Variants in SCNN1B observed in about 807,000 individuals in gnomAD.
The protein encoded by SCNN1B is sodium channel epithelial 1 subunit beta, also known as epithelial sodium channel subunit beta.
SCNN1B carries 46 observed loss-of-function variants against 65.3 expected under a neutral mutation model. The ratio of observed to expected loss-of-function variants is 0.70; its 90% CI spans 0.56 to 0.90. SCNN1B has a LOEUF of 0.90. Ranked by LOEUF, SCNN1B falls within the 40% of genes least tolerant of loss-of-function variation. SCNN1B has a pLI of 0.00. For missense variants in SCNN1B, 751 were observed against 830.5 expected (o/e 0.90, Z 1.18); for synonymous variants, 349 against 330.6 (o/e 1.06, Z -0.60).
At chr16:23,354,163 T>G (rs576689498) in intron 3 of SCNN1B, among the ~76,000 whole-genome samples, 1 of 152,348 alleles carries the variant, frequency 6.6e-6, no homozygotes, top group African/African-American at 2.4e-5. Context: ...GGTCACACCT[T>G]CCTTAACCTC....
At chr16:23,346,945 A>T (rs1219175060) in intron 1 of SCNN1B, among the ~76,000 whole-genome samples, 1 of 152,138 alleles carries the variant, frequency 6.6e-6, no homozygotes, top group Non-Finnish European at 1.5e-5. Flanking sequence ...GAGGAAACTG[A>T]AGGACTGAGA....
chr16:23,299,324 T>A (rs1000086487), upstream of SCNN1B, among the ~76,000 whole-genome samples: 6 of 152,102 alleles, frequency 3.9e-5, no homozygotes, highest in Non-Finnish European at 1.5e-5. Context: ...CCTCCCAAAG[T>A]GCTAGGATTA....
At chr16:23,332,609 G>T (rs1234795661) in intron 1 of SCNN1B, among the ~76,000 whole-genome samples, 2 of 152,110 alleles carry the variant, frequency 1.3e-5, no homozygotes, top group Non-Finnish European at 2.9e-5. Context: ...GGAATTACAG[G>T]CATGAGCCAC....
chr16:23,365,979 C>T (rs1230452944), intron 4 of SCNN1B, among the ~76,000 whole-genome samples: 4 of 152,284 alleles, frequency 2.6e-5, no homozygotes, highest in South Asian at 2.1e-4. Flanking sequence ...TCTGAAAACA[C>T]GGGAAAATAA....
intron 1 of SCNN1B, among the ~76,000 whole-genome samples, chr16:23,282,868 C>T (rs2141967086): frequency 6.6e-6 from 1 of 152,354 alleles, no homozygotes; most frequent in East Asian, 1.9e-4. Flanking sequence ...TTTCTGGGCA[C>T]ACTGCCTATG....
At chr16:23,311,539 A>G (rs935328135) in intron 1 of SCNN1B, among the ~76,000 whole-genome samples, 1 of 152,182 alleles carries the variant, frequency 6.6e-6, no homozygotes, top group Non-Finnish European at 1.5e-5. Context: ...TGAGCTCAAG[A>G]TTTGAATCCT....
intron 7 of SCNN1B, among the ~76,000 whole-genome samples, chr16:23,374,850 G>T (rs117356744): frequency 0.012 from 1,881 of 152,072 alleles, 13 homozygotes; most frequent in Non-Finnish European, 0.019. Flanking sequence ...GTGTCCAGGA[G>T]CCCGGGGTAG....
Position 23,379,256 on chromosome 16 carries a change from A to G in SCNN1B, c.1466+489A>G, listed in dbSNP as rs141887266. 8.1e-5 allele frequency among the ~76,000 whole-genome samples: 12 copies of G among 147,312 alleles called. 1 individual carries two copies. The highest frequency in any genetic ancestry group is 2.9e-4 in the African/African-American group (11 of 37,322). On this transcript the variant is annotated intron_variant, in intron 11 of 12. Transcript: ENST00000343070. ...CCAGCCATCCTCCGTTTATTCATGG[A>G]TCTCTCCATCCATTCAACACAAACA...
intron 1 of SCNN1B, among the ~76,000 whole-genome samples, chr16:23,307,327 G>A (rs1212891613): frequency 2.0e-5 from 3 of 147,230 alleles, no homozygotes; most frequent in Non-Finnish European, 4.5e-5. Flanking sequence ...GTGGTTGTGG[G>A]GTGGTGTGGG....
intron 1 of SCNN1B, among the ~76,000 whole-genome samples, chr16:23,305,578 TATATA>T (rs1567290503): frequency 0.02 from 449 of 22,872 alleles, 20 homozygotes; most frequent in African/African-American, 0.09. Flanking sequence ...ATATATATAT[TATATA>T]TATATATATA....
intron 1 of SCNN1B, among the ~76,000 whole-genome samples, chr16:23,305,573 TATA>T (rs1567290446): frequency 9.6e-4 from 41 of 42,630 alleles, no homozygotes; most frequent in African/African-American, 2.2e-3. Context: ...TATATATATA[TATA>T]TTATATATAT....
chr16:23,334,061 C>T (rs1961885223), intron 1 of SCNN1B, among the ~76,000 whole-genome samples: 1 of 152,116 alleles, frequency 6.6e-6, no homozygotes, highest in African/African-American at 2.4e-5. Flanking sequence ...TGCTCCCTGC[C>T]CCATAGAATG....
intron 4 of SCNN1B, among the ~76,000 whole-genome samples, chr16:23,359,977 C>T (rs200364512): frequency 6.6e-6 from 1 of 151,930 alleles, no homozygotes; most frequent in South Asian, 2.1e-4. Context: ...CCGAGGCAGG[C>T]AGATCACCTG....
rs61759923 is a variant in SCNN1B, at chr16:23,380,609, C to T, written c.1731C>T (p.Thr577=). The T allele has an allele frequency of 3.9e-4, 631 of 1,613,936 alleles. 3 individuals carry two copies. The African/African-American group carries it at 7.1e-3, about 18-fold the overall frequency. Residue 577 remains threonine (T), a synonymous_variant, in exon 13 of 13, where the codon ACC becomes ACT. Transcript: ENST00000343070. The surrounding 1 kb of genome is among the most constrained non-coding windows in gnomAD (Gnocchi z 5.4). ...CCAGCTACGCTGGCCCACCGCCCAC[C>T]GTGGCCGAGCTGGTGGAGGCCCACA... The part of the protein sequence containing the change: ...AQASYAGPPP[T]VAELVEAHTN...
At position 23,322,084 on chromosome 16, in the gene SCNN1B, ACTCT is replaced by A. The variant is rs764867951; in HGVS notation, c.-9+19651_-9+19654del. On this transcript the variant is annotated intron_variant, in intron 1 of 12. Coordinates refer to ENST00000343070, the MANE Select transcript of SCNN1B (RefSeq NM_000336.3). The stretch of plus-strand genomic sequence containing the variant: ...AGTTATGTAAACTGCCCCGACACAA[ACTCT>A]CTCCCATTCCCTTGGAGCCTTCCAG... Among the ~76,000 whole-genome samples the A allele has an allele frequency of 7.9e-5, 12 of 151,552 alleles. 1 individual carries two copies. The highest frequency in any genetic ancestry group is 7.8e-4 in the East Asian group (4 of 5,154).
upstream of SCNN1B, among the ~76,000 whole-genome samples, chr16:23,300,993 C>CGTGT (rs60930177): frequency 0.15 from 22,971 of 148,382 alleles, 2,579 homozygotes; most frequent in African/African-American, 0.3. Context: ...GTTAAAAACA[C>CGTGT]GTGTGTGTGT....
At chr16:23,374,015 C>T (rs1962837203) in intron 7 of SCNN1B, among the ~76,000 whole-genome samples, 1 of 152,158 alleles carries the variant, frequency 6.6e-6, no homozygotes, top group South Asian at 2.1e-4. Context: ...ATGGACACCC[C>T]AACCAGGAGC....
chr16:23,303,060 G>A (rs1020521634), intron 1 of SCNN1B, among the ~76,000 whole-genome samples: 5 of 152,174 alleles, frequency 3.3e-5, no homozygotes, highest in African/African-American at 1.2e-4. Context: ...TGGTGGAGGA[G>A]GCCAGATCCG....
At chr16:23,285,465 C>T (rs1388789374) in intron 2 of SCNN1B, among the ~76,000 whole-genome samples, 1 of 151,942 alleles carries the variant, frequency 6.6e-6, no homozygotes, top group African/African-American at 2.4e-5. Flanking sequence ...AACTAGTGCA[C>T]CCAGCCTAAA....
Sources: gnomAD v4.1 joint callset for allele counts (sites outside exome capture counted in the v4.1 genomes callset) on GRCh38, gnomAD v4.1.1 for gene constraint, Gnocchi (gnomAD v3.1) non-coding constraint, MANE v1.5 for transcripts, NCBI Gene and HGNC (gene_info 2026-07-23, HGNC 2026-07-21) for gene names.